Variants in FUCA1 observed in about 807,000 individuals in gnomAD.
FUCA1 encodes the protein tissue alpha-L-fucosidase.
A neutral mutation model predicts 56.8 loss-of-function variants in FUCA1; 52 were observed. The ratio of observed to expected loss-of-function variants is 0.92; its 90% CI spans 0.73 to 1.15. The LOEUF is 1.15. Ranked by LOEUF, FUCA1 falls within the 50% of genes most tolerant of loss-of-function variation. The probability of loss-of-function intolerance (pLI) is 0.00; values close to 1 mark genes in which losing one functional copy is unlikely to be tolerated. For missense variants in FUCA1, 568 were observed against 592.6 expected, an observed-to-expected ratio of 0.96 and a Z score of 0.43; for synonymous variants, 230 against 226.6, an observed-to-expected ratio of 1.02 and a Z score of -0.14.
chr1:23,854,086 A>C (rs1639339331), intron 5 of FUCA1, among the ~76,000 whole-genome samples: 1 of 151,950 alleles, frequency 6.6e-6, no homozygotes, highest in African/African-American at 2.4e-5. Context: ...AAATAAATAA[A>C]TAAATAAAAA....
Position 23,863,098 on chromosome 1 carries a change from T to C in FUCA1, c.662+36A>G, listed in dbSNP as rs1553137789. On this transcript the variant is annotated intron_variant, in intron 3 of 7. Transcript: ENST00000374479. ...CTATAGGAAGCTCTGATTTCATTGATAAAAGTCATAGGGCCAAAATATTTC... is the reference window on the plus strand; with the variant it reads ...CTATAGGAAGCTCTGATTTCATTGACAAAAGTCATAGGGCCAAAATATTTC... The C allele has an allele frequency of 1.9e-6, 3 of 1,612,428 alleles. No homozygotes were observed. The South Asian group carries it at 3.3e-5, about 18-fold the overall frequency.
Position 23,865,584 on chromosome 1 carries a change from T to C in FUCA1, c.431A>G (p.Asn144Ser). Reference sequence around the variant, plus strand: ...GTTCCAAGACACAGGACTCGGCCAGTTTGTGAAGCCTTCGTGATGCTTTGT... The same window carrying C: ...GTTCCAAGACACAGGACTCGGCCAGCTTGTGAAGCCTTCGTGATGCTTTGT... ...LTTKHHEGFT[N>S]WPSPVSWNWN... Residue 144 changes from asparagine (N) to serine (S), a missense_variant, in exon 2 of 8, where the codon AAC becomes AGC. By Grantham distance (46) the Asn-to-Ser change is conservative (BLOSUM62 1). Transcript: ENST00000374479. The C allele has an allele frequency of 6.2e-7, 1 of 1,614,156 alleles. No individual in the cohort carries two copies.
chr1:23,859,991 GT>G lies in FUCA1; in HGVS notation c.663-89del, dbSNP rs1371612930. The G allele has an allele frequency of 2.7e-5, 22 of 805,614 alleles. No individual in the cohort carries two copies. The African/African-American group carries it at 3.7e-4, about 14-fold the overall frequency. The allele number at this position is 805,614 out of a possible 1,614,324, so 49.9% of individuals were successfully genotyped here. On this transcript the variant is annotated intron_variant, in intron 3 of 7. Transcript: ENST00000374479. The stretch of plus-strand genomic sequence containing the variant: ...GACCATTTTTTTTTTTAGAGATGGG[GT>G]TTCGCTATGTTGCCTAAGCTTGAGT...
At chr1:23,849,187 G>A (rs979537105) in intron 5 of FUCA1, among the ~76,000 whole-genome samples, 5 of 152,032 alleles carry the variant, frequency 3.3e-5, no homozygotes, top group African/African-American at 9.7e-5. Flanking sequence ...GTTTCACCAC[G>A]TTGGCCAGGC....
chr1:23,846,210 A>G lies in FUCA1; in HGVS notation c.1161-37T>C, dbSNP rs188188637. The G allele has an allele frequency of 6.3e-4, 827 of 1,303,724 alleles. 1 individual carries two copies. Among genetic ancestry groups the G allele is most frequent in the Non-Finnish European group, 8.5e-4 (763 of 897,378 alleles). The allele number at this position is 1,303,724 out of a possible 1,614,324, so 80.8% of individuals were successfully genotyped here. On this transcript the variant is annotated intron_variant, in intron 6 of 7. Transcript: ENST00000374479. The stretch of plus-strand genomic sequence containing the variant: ...GAAACAACACTGTCAAAGATACCTG[A>G]CTTGTTATCCTGATATACAACTTTA...
At chr1:23,850,197 T>A in intron 5 of FUCA1, among the ~76,000 whole-genome samples, 1 of 150,852 alleles carries the variant, frequency 6.6e-6, no homozygotes, top group East Asian at 2.0e-4. Context: ...GCACCTGTAG[T>A]CCCAGCTATG....
At chr1:23,852,356 AG>A (rs1054876621) in intron 5 of FUCA1, among the ~76,000 whole-genome samples, 3 of 151,602 alleles carry the variant, frequency 2.0e-5, no homozygotes, top group African/African-American at 4.9e-5. Context: ...CAGGAGTTTG[AG>A]GTTACAGTGA....
At chr1:23,864,312 T>G (rs953261897) in intron 2 of FUCA1, among the ~76,000 whole-genome samples, 1 of 152,080 alleles carries the variant, frequency 6.6e-6, no homozygotes, top group Non-Finnish European at 1.5e-5. Context: ...ATGGTCTTGA[T>G]CTCCTGACCT....
At chr1:23,848,905 G>C (rs1347269586) in intron 5 of FUCA1, 66 bp from the exon 6 acceptor site, 2 of 1,329,738 alleles carry the variant, frequency 1.5e-6, no homozygotes, top group Non-Finnish European at 2.2e-6. Flanking sequence ...GCTTAAAATA[G>C]ACAGAGAAGA....
intron 2 of FUCA1, among the ~76,000 whole-genome samples, chr1:23,865,052 G>A (rs1431281947): frequency 6.6e-6 from 1 of 152,092 alleles, no homozygotes; most frequent in Non-Finnish European, 1.5e-5. Context: ...CAGGCCATTT[G>A]GTCTCTATCT....
At chr1:23,851,234 C>T (rs1639249173) in intron 5 of FUCA1, among the ~76,000 whole-genome samples, 1 of 152,046 alleles carries the variant, frequency 6.6e-6, no homozygotes. Flanking sequence ...CATGGTGGCA[C>T]GTGCCTGTAT....
chr1:23,857,437 T>C (rs1014866765), intron 4 of FUCA1, among the ~76,000 whole-genome samples: 2 of 152,054 alleles, frequency 1.3e-5, no homozygotes, highest in African/African-American at 2.4e-5. Context: ...TCAGAGTTCA[T>C]TACCTAGGGA....
intron 3 of FUCA1, among the ~76,000 whole-genome samples, chr1:23,862,425 C>T (rs1315212740): frequency 6.6e-6 from 1 of 152,186 alleles, no homozygotes; most frequent in Non-Finnish European, 1.5e-5. Flanking sequence ...CCTCGGCCTC[C>T]CAAAATGCTG....
chr1:23,865,462 T>C (rs1265867499), intron 2 of FUCA1, 29 bp downstream of exon 2: 1 of 1,613,974 alleles, frequency 6.2e-7, no homozygotes, highest in South Asian at 1.1e-5. Context: ...TCCAAAGAGA[T>C]AACAGAGTAA....
chr1:23,856,412 A>G (rs1639391904), intron 4 of FUCA1, among the ~76,000 whole-genome samples: 1 of 152,194 alleles, frequency 6.6e-6, no homozygotes, highest in South Asian at 2.1e-4. Flanking sequence ...ACCAGTGTCT[A>G]TGGATTGTGG....
intron 3 of FUCA1, among the ~76,000 whole-genome samples, chr1:23,860,950 C>T (rs1639497726): frequency 6.6e-6 from 1 of 151,618 alleles, no homozygotes; most frequent in Admixed American, 6.6e-5. Context: ...AATCTTTTTT[C>T]TTTATGCCTT....
At chr1:23,851,811 A>G (rs1012757679) in intron 5 of FUCA1, among the ~76,000 whole-genome samples, 3 of 127,582 alleles carry the variant, frequency 2.4e-5, no homozygotes, top group African/African-American at 7.9e-5. Flanking sequence ...GAACAATGAG[A>G]ACACATGGGA....
intron 4 of FUCA1, among the ~76,000 whole-genome samples, chr1:23,857,197 A>G (rs935720655): frequency 6.6e-6 from 1 of 152,116 alleles, no homozygotes; most frequent in African/African-American, 2.4e-5. Context: ...AGGGGTATAC[A>G]CCCTGAACAT....
At position 23,845,652 on chromosome 1, in the gene FUCA1, A is replaced by G. The variant is rs1557504263; in HGVS notation, c.*63T>C. On this transcript the variant is annotated 3_prime_UTR_variant, in exon 8 of 8. Transcript: ENST00000374479. ...GTTCGTTGATTATAGTGATGGTACT[A>G]TAAGAGAAAAACTGAAGCAGGAAAA... 6 of 1,602,554 alleles carry G rather than the reference A, an allele frequency of 3.7e-6. No homozygotes were observed. The highest frequency in any genetic ancestry group is 3.3e-5 in the Admixed American group (2 of 59,994).
Sources: gnomAD v4.1 joint callset for allele counts (sites outside exome capture counted in the v4.1 genomes callset) on GRCh38, gnomAD v4.1.1 for gene constraint, MANE v1.5 for transcripts, NCBI Gene and HGNC (gene_info 2026-07-23, HGNC 2026-07-21) for gene names.